Variants in DRD2 observed in about 807,000 individuals in gnomAD.
DRD2 encodes the protein dopamine receptor D2, also known as D(2) dopamine receptor.
A neutral mutation model predicts 38.0 loss-of-function variants in DRD2; 8 were observed. The observed-to-expected ratio is 0.21, with a 90% confidence interval of 0.12 to 0.38. The LOEUF (loss-of-function observed/expected upper bound fraction) is 0.38. DRD2 is among the 10% of genes least tolerant of loss of function. The probability of loss-of-function intolerance (pLI) is 1.00; values close to 1 mark genes in which losing one functional copy is unlikely to be tolerated. For synonymous variants in DRD2, 230 were observed against 238.6 expected (o/e 0.96, Z 0.33); for missense variants, 403 against 607.7 (o/e 0.66, Z 3.54).
chr11:113,412,855 T>G lies in DRD2; in HGVS notation c.839A>C (p.Glu280Ala). ...VEAARRAQELEMEMLSSTSPP... is the reference protein window; with the variant it reads ...VEAARRAQELAMEMLSSTSPP... Reference sequence around the variant, plus strand: ...GCTGGTGCTGGAGAGCATCTCCATCTCCAGCTCCTGGGCTCGCCGGGCAGC... The same window carrying G: ...GCTGGTGCTGGAGAGCATCTCCATCGCCAGCTCCTGGGCTCGCCGGGCAGC... Residue 280 changes from glutamate to alanine, a missense_variant, in exon 7 of 8, where the codon GAG (glutamate) becomes GCG (alanine). This residue lies in a region of DRD2 where 166 missense variants were observed against 178.6 expected (regional missense o/e 0.93). Coordinates refer to ENST00000362072, the MANE Select transcript of DRD2 (RefSeq NM_000795.4). The G allele has an allele frequency of 6.2e-7, 1 of 1,612,618 alleles. No homozygotes were observed. The highest frequency in any genetic ancestry group is 8.5e-7 in the Non-Finnish European group (1 of 1,179,844).
chr11:113,455,082 C>T (rs1951256046), intron 1 of DRD2, among the ~76,000 whole-genome samples: 2 of 152,148 alleles, frequency 1.3e-5, no homozygotes, highest in Admixed American at 6.5e-5. Context: ...GGCACGGTGG[C>T]TCATGCATGT....
intron 1 of DRD2, among the ~76,000 whole-genome samples, chr11:113,455,606 G>A (rs1379923746): frequency 6.6e-6 from 1 of 152,072 alleles, no homozygotes; most frequent in Non-Finnish European, 1.5e-5. Context: ...AAATAACCCT[G>A]TTTAAGAATG....
intron 7 of DRD2, among the ~76,000 whole-genome samples, chr11:113,412,326 A>G (rs1055774470): frequency 6.6e-6 from 1 of 152,146 alleles, no homozygotes; most frequent in Admixed American, 6.6e-5. Context: ...AGTTCAAACC[A>G]TGGGTCCTCT....
chr11:113,422,524 C>T (rs563183418), intron 2 of DRD2, among the ~76,000 whole-genome samples: 2 of 152,156 alleles, frequency 1.3e-5, no homozygotes, highest in African/African-American at 4.8e-5. Context: ...ATTAAGAAGG[C>T]ATGGACAGAG....
rs201949556 is a variant in DRD2 at position 113,415,629 on chromosome 11, C to G, written c.533-18G>C. 15 of 1,602,352 alleles carry G rather than the reference C, an allele frequency of 9.4e-6. No individual in the cohort carries two copies. In the South Asian group the frequency reaches 1.6e-4, roughly 17 times the overall value. On this transcript the variant is annotated intron_variant, in intron 4 of 7. Transcript: ENST00000362072. ...GTTCTGGTCTGGGGGAGGGAGAGCCCGGGCAGGCAGGGAGTCAGCGGGCCC... is the reference window on the plus strand; with the variant it reads ...GTTCTGGTCTGGGGGAGGGAGAGCCGGGGCAGGCAGGGAGTCAGCGGGCCC...
intron 1 of DRD2, among the ~76,000 whole-genome samples, chr11:113,438,483 T>C (rs1951058849): frequency 6.6e-6 from 1 of 152,152 alleles, no homozygotes; most frequent in Non-Finnish European, 1.5e-5. Flanking sequence ...AGACTCAAGC[T>C]GGAATGAGGG....
intron 1 of DRD2, among the ~76,000 whole-genome samples, chr11:113,450,891 T>C (rs1190289155): frequency 2.0e-5 from 3 of 152,274 alleles, no homozygotes; most frequent in East Asian, 3.9e-4. Flanking sequence ...GAAAATAAAA[T>C]AGACTTTTGG....
intron 1 of DRD2, among the ~76,000 whole-genome samples, chr11:113,468,736 T>A (rs1278914206): frequency 6.6e-6 from 1 of 152,102 alleles, no homozygotes; most frequent in Non-Finnish European, 1.5e-5. Flanking sequence ...TTAGTAGAGA[T>A]GGGGTTTCAC....
intron 1 of DRD2, among the ~76,000 whole-genome samples, chr11:113,450,889 A>G (rs1424755607): frequency 3.9e-5 from 6 of 152,222 alleles, no homozygotes; most frequent in African/African-American, 1.4e-4. Context: ...GGGAAAATAA[A>G]ATAGACTTTT....
intron 1 of DRD2, among the ~76,000 whole-genome samples, chr11:113,473,772 T>A (rs1156700854): frequency 6.6e-6 from 1 of 152,194 alleles, no homozygotes; most frequent in Admixed American, 6.5e-5. Context: ...AGTCTCTCTA[T>A]CTGGCCACCC....
chr11:113,474,190 T>C (rs61902807), intron 1 of DRD2: 40,589 of 152,314 alleles, frequency 0.27, 6,458 homozygotes, highest in Middle Eastern at 0.4. Flanking sequence ...CTTGTGTCCA[T>C]GGTGAAGCCT....
intron 1 of DRD2, among the ~76,000 whole-genome samples, chr11:113,428,437 G>C (rs943444704): frequency 6.6e-6 from 1 of 152,144 alleles, no homozygotes; most frequent in Non-Finnish European, 1.5e-5. Flanking sequence ...CCTCAGCAGT[G>C]GGCAATTGCC....
In DRD2 at chr11:113,418,028, T is replaced by G; in HGVS notation, c.394A>C (p.Arg132=). The stretch of plus-strand genomic sequence containing the variant: ...CTCTTCCACCCTGGCTGGGCTCACC[T>G]GTCGATGCTGATGGCACACAAGTTC... ...ILNLCAISID[R]YTAVAMPMLY... The change falls in exon 3 of 8, where the codon AGG becomes CGG. Residue 132 remains arginine, a splice_region_variant and synonymous_variant. Transcript: ENST00000362072. The G allele has an allele frequency of 6.2e-7, 1 of 1,614,068 alleles. No individual in the cohort carries two copies. The highest frequency in any genetic ancestry group is 8.5e-7 in the Non-Finnish European group (1 of 1,179,952).
chr11:113,445,377 A>G (rs1951136321), intron 1 of DRD2, among the ~76,000 whole-genome samples: 1 of 152,332 alleles, frequency 6.6e-6, no homozygotes, highest in African/African-American at 2.4e-5. Context: ...AGTGAAGGGT[A>G]TAGGGGAACT....
intron 5 of DRD2, among the ~76,000 whole-genome samples, chr11:113,414,873 G>A (rs557041523): frequency 5.9e-5 from 9 of 152,312 alleles, no homozygotes; most frequent in East Asian, 1.9e-4. Flanking sequence ...AACCTGATGC[G>A]TCTAGCCCAA....
chr11:113,444,798 G>C (rs1479986180), intron 1 of DRD2, among the ~76,000 whole-genome samples: 1 of 152,232 alleles, frequency 6.6e-6, no homozygotes, highest in Admixed American at 6.5e-5. Flanking sequence ...CATCTGGATA[G>C]AGGTACTAGC....
intron 1 of DRD2, among the ~76,000 whole-genome samples, chr11:113,433,391 G>C (rs568644480): frequency 1.1e-4 from 16 of 152,226 alleles, no homozygotes; most frequent in Non-Finnish European, 2.1e-4. Flanking sequence ...CAGCACTACT[G>C]TGGGGGAACA....
chr11:113,455,238 C>T (rs1352079690), intron 1 of DRD2, among the ~76,000 whole-genome samples: 1 of 152,074 alleles, frequency 6.6e-6, no homozygotes, highest in African/African-American at 2.4e-5. Context: ...TGGCAGACGC[C>T]TGTAGTCCCA....
At chr11:113,445,328 C>T (rs1277185327) in intron 1 of DRD2, among the ~76,000 whole-genome samples, 2 of 152,174 alleles carry the variant, frequency 1.3e-5, no homozygotes, top group Non-Finnish European at 1.5e-5. Context: ...TTGATCATCA[C>T]TCTGTGGTTA....
Sources: allele counts gnomAD v4.1 joint callset (sites outside exome capture counted in the v4.1 genomes callset), GRCh38; gene constraint gnomAD v4.1.1; regional missense constraint gnomAD v4.1.1; transcripts MANE v1.5; gene names NCBI Gene and HGNC (gene_info 2026-07-23, HGNC 2026-07-21).